Variants in RASGRP2 observed in about 807,000 individuals in gnomAD.
RASGRP2 encodes the protein RAS guanyl-releasing protein 2.
A neutral mutation model predicts 71.0 loss-of-function variants in RASGRP2; 44 were observed. That is an observed-to-expected ratio of 0.62 (90% CI 0.49 to 0.80). The LOEUF is 0.80. RASGRP2 is among the 30% of genes least tolerant of loss of function. RASGRP2 has a pLI of 0.00. For synonymous variants in RASGRP2, 350 were observed against 330.7 expected (o/e 1.06, Z -0.63); for missense variants, 663 against 813.4 (o/e 0.82, Z 2.25).
intron 15 of RASGRP2, among the ~76,000 whole-genome samples, chr11:64,728,330 T>G (rs897338464): frequency 6.6e-6 from 1 of 152,238 alleles, no homozygotes; most frequent in Non-Finnish European, 1.5e-5. Context: ...TCTTTCACTT[T>G]TATACCTCTT....
chr11:64,727,290 A>C lies in RASGRP2; in HGVS notation c.*6+6T>G. On this transcript the variant is annotated splice_donor_region_variant and intron_variant, in intron 16 of 16. Transcript: ENST00000394432. ...GAGCTCTGGTGCCAGCTGTGGGAGG[A>C]CTCACCATCTATTACAAGTGGATGT... The C allele has an allele frequency of 6.2e-7, 1 of 1,612,670 alleles. No homozygotes were observed. The highest frequency in any genetic ancestry group is 8.5e-7 in the Non-Finnish European group (1 of 1,179,136).
chr11:64,740,212 G>A (rs562657409), intron 5 of RASGRP2, 49 bp from the exon 6 acceptor site: 23 of 1,610,244 alleles, frequency 1.4e-5, no homozygotes, highest in Admixed American at 1.3e-4. Flanking sequence ...CGCATGACTC[G>A]TGGCCCCCCA....
rs1460525185 is a variant in RASGRP2, at chr11:64,741,049, A to G, written c.270T>C (p.Phe90=). 3.1e-6 allele frequency: 5 copies of G among 1,613,510 alleles called. No homozygotes were observed. The highest frequency in any genetic ancestry group is 4.2e-6 in the Non-Finnish European group (5 of 1,180,016). ...RYWISAFPAE[F]DLNPELAEQI... ...GCTCAGCCAACTCCGGGTTCAAGTCAAACTCCGCTGGGAAGGCGGAGATCC... is the reference window on the plus strand; with the variant it reads ...GCTCAGCCAACTCCGGGTTCAAGTCGAACTCCGCTGGGAAGGCGGAGATCC... Residue 90 remains phenylalanine, a synonymous_variant, in exon 5 of 17, where the codon TTT becomes TTC. Transcript: ENST00000394432.
Position 64,739,600 on chromosome 11 carries a change from G to T in RASGRP2, c.696+36C>A, listed in dbSNP as rs773299008. The stretch of plus-strand genomic sequence containing the variant: ...AAGGGTTGGCCTGACTGGCATGTGG[G>T]GTGGTTGGGAGACACCGGGAGGGAG... On this transcript the variant is annotated intron_variant, in intron 7 of 16. Coordinates refer to ENST00000394432, the MANE Select transcript of RASGRP2 (RefSeq NM_001098671.2). The surrounding 1 kb of genome is among the most constrained non-coding windows in gnomAD (Gnocchi z 4.2). The T allele has an allele frequency of 5.2e-5, 84 of 1,612,902 alleles. No individual in the cohort carries two copies. The highest frequency in any genetic ancestry group is 4.5e-4 in the Admixed American group (27 of 60,004).
In RASGRP2 at chr11:64,740,044, T is replaced by C. The variant is rs2058070668; in HGVS notation, c.491A>G (p.Tyr164Cys). 2.5e-6 allele frequency: 4 copies of C among 1,614,056 alleles called. No homozygotes were observed. The highest frequency in any genetic ancestry group is 2.5e-6 in the Non-Finnish European group (3 of 1,180,004). ...EPMELAEHLT[Y>C]LEYRSFCKIL... Reference sequence around the variant, plus strand: ...CTTGCAGAAGGAGCGATACTCCAAGTAGGTGAGATGCTCCGCCAGCTCCAT... The same window carrying C: ...CTTGCAGAAGGAGCGATACTCCAAGCAGGTGAGATGCTCCGCCAGCTCCAT... Residue 164 changes from tyrosine to cysteine, a missense_variant, in exon 6 of 17, where the codon TAC (tyrosine) becomes TGC (cysteine). Physicochemically the swap from Tyr to Cys is radical, Grantham distance 194. Transcript: ENST00000394432.
chr11:64,729,836 T>C (rs777057479), intron 13 of RASGRP2, 38 bp from the exon 14 acceptor site: 8 of 1,611,834 alleles, frequency 5.0e-6, no homozygotes, highest in Non-Finnish European at 6.8e-6. Context: ...AGGAGGGATT[T>C]AGAGGTGATG....
rs2057902665 is a variant in RASGRP2 at position 64,735,489 on chromosome 11, C to T, written c.1296+53G>A. 3.1e-6 allele frequency: 5 copies of T among 1,611,828 alleles called. No homozygotes were observed. The Admixed American group carries it at 5.0e-5, about 16-fold the overall frequency. ...ACTCGTGCTGGCTTCCAGGGCAGTG[C>T]TCCGGCAAACTGGCCTCTCCCCACA... On this transcript the variant is annotated intron_variant, in intron 11 of 16. Coordinates refer to ENST00000394432, the MANE Select transcript of RASGRP2 (RefSeq NM_001098671.2). This position sits in a 1 kb window ranked among gnomAD's most constrained non-coding sequence, Gnocchi z 4.2.
In RASGRP2 at chr11:64,742,008, A is replaced by G. The variant is rs1249811276; in HGVS notation, c.176+2T>C. The G allele has an allele frequency of 6.2e-7, 1 of 1,606,530 alleles. No homozygotes were observed. Among genetic ancestry groups the G allele is most frequent in the Non-Finnish European group, 8.5e-7 (1 of 1,176,330 alleles). Reference sequence around the variant, plus strand: ...GGCCTTGGCAAGGCCGGCGAAGGATATATGTGGAGCAGCTTGGCCGCCAGC... The same window carrying G: ...GGCCTTGGCAAGGCCGGCGAAGGATGTATGTGGAGCAGCTTGGCCGCCAGC... On this transcript the variant is annotated splice_donor_variant, in intron 3 of 16. Coordinates refer to ENST00000394432, the MANE Select transcript of RASGRP2 (RefSeq NM_001098671.2). LOFTEE classifies it high-confidence loss of function. This position sits in a 1 kb window ranked among gnomAD's most constrained non-coding sequence, Gnocchi z 4.7.
At position 64,742,707 on chromosome 11, in the gene RASGRP2, G is replaced by A. The variant is rs1000545106; in HGVS notation, c.73+87C>T. ...AGCAGGGTGGGTCCGGGTCAGGGCTGTGCCCTGGACTGTGCCTGGGAGGCA... is the reference window on the plus strand; with the variant it reads ...AGCAGGGTGGGTCCGGGTCAGGGCTATGCCCTGGACTGTGCCTGGGAGGCA... On this transcript the variant is annotated intron_variant, in intron 2 of 16. Transcript: ENST00000394432. The surrounding 1 kb of genome is among the most constrained non-coding windows in gnomAD (Gnocchi z 4.7). The A allele has an allele frequency of 7.3e-5, 111 of 1,520,264 alleles. No individual in the cohort carries two copies. Among genetic ancestry groups the A allele is most frequent in the Non-Finnish European group, 9.1e-5 (102 of 1,121,100 alleles). The allele number at this position is 1,520,264 out of a possible 1,614,324, so 94.2% of individuals were successfully genotyped here. A position where few individuals can be genotyped will look rare whatever the true frequency, so the allele number is the denominator to read the frequency against.
In RASGRP2 at chr11:64,739,920, CCT is replaced by C. The variant is rs2058065745; in HGVS notation, c.522+91_522+92del. 1.2e-6 allele frequency: 2 copies of C among 1,608,574 alleles called. No individual in the cohort carries two copies. Among genetic ancestry groups the C allele is most frequent in the Admixed American group, 3.3e-5 (2 of 59,852 alleles). ...GGTTACACTGAAACCCCTGATGCAC[CCT>C]GTGACCCAGCCTACGCCAGGGACCC... is the stretch of plus-strand genomic sequence containing the variant. On this transcript the variant is annotated intron_variant, in intron 6 of 16. Coordinates refer to ENST00000394432, the MANE Select transcript of RASGRP2 (RefSeq NM_001098671.2). The surrounding 1 kb of genome is among the most constrained non-coding windows in gnomAD (Gnocchi z 4.2).
At position 64,729,019 on chromosome 11, in the gene RASGRP2, G is replaced by C; in HGVS notation, c.1615C>G (p.Gln539Glu). The C allele has an allele frequency of 1.2e-6, 2 of 1,601,890 alleles. No individual in the cohort carries two copies. Among genetic ancestry groups the C allele is most frequent in the African/African-American group, 1.3e-5 (1 of 75,010 alleles). Reference sequence around the variant, plus strand: ...TCAACTGACAGGCGATCCTTGCACTGCTTGTGGCAGTTCACTCCACAGGCT... The same window carrying C: ...TCAACTGACAGGCGATCCTTGCACTCCTTGTGGCAGTTCACTCCACAGGCT... ...CRACGVNCHKQCKDRLSVECR... is the reference protein window; with the variant it reads ...CRACGVNCHKECKDRLSVECR... Residue 539 changes from glutamine (Q) to glutamate (E), a missense_variant, in exon 15 of 17, where the codon CAG becomes GAG. Coordinates refer to ENST00000394432, the MANE Select transcript of RASGRP2 (RefSeq NM_001098671.2).
chr11:64,730,851 A>G (rs2057742465), intron 12 of RASGRP2, among the ~76,000 whole-genome samples: 1 of 152,158 alleles, frequency 6.6e-6, no homozygotes, highest in Non-Finnish European at 1.5e-5. Context: ...TCATTCCTAC[A>G]TTTCATAGGA....
chr11:64,729,640 C>A, intron 14 of RASGRP2, 122 bp downstream of exon 14: 2 of 1,254,426 alleles, frequency 1.6e-6, no homozygotes, highest in East Asian at 2.3e-5. Context: ...CCCGGCCATG[C>A]GCCTCTGATT....
chr11:64,740,443 C>T, intron 5 of RASGRP2: 2 of 650,360 alleles, frequency 3.1e-6, no homozygotes, highest in Non-Finnish European at 5.8e-6. Context: ...GAGGAGCTCA[C>T]AGTCTACTGA....
chr11:64,737,123 G>A (rs2057967880), intron 8 of RASGRP2, 89 bp from the exon 9 acceptor site: 1 of 1,524,158 alleles, frequency 6.6e-7, no homozygotes, highest in African/African-American at 1.4e-5. Flanking sequence ...GGAGGAGTCA[G>A]GGTCAGGGAC....
chr11:64,740,432 C>T (rs1043631810), intron 5 of RASGRP2: 5 of 654,668 alleles, frequency 7.6e-6, no homozygotes, highest in Admixed American at 2.1e-5. Flanking sequence ...TTCCTGCCCT[C>T]GAGGAGCTCA....
chr11:64,737,170 C>T (rs1001883358), intron 8 of RASGRP2, 136 bp from the exon 9 acceptor site: 51 of 1,033,662 alleles, frequency 4.9e-5, no homozygotes, highest in Admixed American at 1.0e-4. Flanking sequence ...CTGTCCCCCA[C>T]GACTGGCTCT....
chr11:64,739,507 G>C lies in RASGRP2; in HGVS notation c.697-31C>G. On this transcript the variant is annotated intron_variant, in intron 7 of 16. Coordinates refer to ENST00000394432, the MANE Select transcript of RASGRP2 (RefSeq NM_001098671.2). This position sits in a 1 kb window ranked among gnomAD's most constrained non-coding sequence, Gnocchi z 4.2. ...AGGCAAATGGGGACGGAGAGGCAGG[G>C]AGTCACTGAGTGGGCCCAGAATTTG... 1 of 1,609,618 alleles carries C rather than the reference G, an allele frequency of 6.2e-7. No individual in the cohort carries two copies. The highest frequency in any genetic ancestry group is 8.5e-7 in the Non-Finnish European group (1 of 1,175,930).
intron 5 of RASGRP2, 151 bp from the exon 6 acceptor site, chr11:64,740,314 C>T: frequency 1.1e-6 from 1 of 887,296 alleles, no homozygotes; most frequent in Non-Finnish European, 1.9e-6. Flanking sequence ...AGCAACTCCT[C>T]CTCATCTCCC....
Sources: allele counts gnomAD v4.1 joint callset (sites outside exome capture counted in the v4.1 genomes callset), GRCh38; gene constraint gnomAD v4.1.1; non-coding constraint Gnocchi (gnomAD v3.1); transcripts MANE v1.5; gene names NCBI Gene and HGNC (gene_info 2026-07-23, HGNC 2026-07-21).